CTNNA1: variants seen among roughly 807,000 people sequenced by gnomAD.
CTNNA1 encodes the protein catenin alpha-1.
A neutral mutation model predicts 98.4 loss-of-function variants in CTNNA1; 37 were observed. That is an observed-to-expected ratio of 0.38 (90% CI 0.29 to 0.49). The LOEUF is 0.49. Ranked by LOEUF, CTNNA1 falls within the 20% of genes least tolerant of loss-of-function variation. CTNNA1 has a pLI of 0.95. For missense variants in CTNNA1, 761 were observed against 1,147.2 expected (o/e 0.66, Z 4.86); for synonymous variants, 404 against 413.2 (o/e 0.98, Z 0.27).
chr5:138,874,383 C>G lies in CTNNA1; in HGVS notation c.1063-11829C>G. On this transcript the variant is annotated intron_variant, in intron 7 of 17. Transcript: ENST00000302763. The surrounding 1 kb of genome is among the most constrained non-coding windows in gnomAD (Gnocchi z 4.1). ...AGGGACAGGCCCAGAGAGCCCTTGT[C>G]TGTGGCGTTTGGCACTGAGTGGAAG... 1 of 1,614,002 alleles carries G rather than the reference C, an allele frequency of 6.2e-7. No homozygotes were observed. Among genetic ancestry groups the G allele is most frequent in the South Asian group, 1.1e-5 (1 of 91,076 alleles).
At chr5:138,773,009 G>T (rs1324773467) in intron 1 of CTNNA1, among the ~76,000 whole-genome samples, 2 of 152,254 alleles carry the variant, frequency 1.3e-5, no homozygotes, top group African/African-American at 4.8e-5. Context: ...GAAAGGTGAA[G>T]TGACTTAATC....
intron 9 of CTNNA1, among the ~76,000 whole-genome samples, chr5:138,902,305 G>T (rs188800857): frequency 1.1e-4 from 16 of 152,308 alleles, no homozygotes; most frequent in African/African-American, 3.4e-4. Context: ...ATAAGATTGA[G>T]AATATAGATT....
chr5:138,892,815 G>A (rs896868776), intron 9 of CTNNA1, among the ~76,000 whole-genome samples: 46 of 151,782 alleles, frequency 3.0e-4, no homozygotes, highest in African/African-American at 1.0e-3. Context: ...TCAGGAGTTC[G>A]AGACCAGCCT....
chr5:138,904,732 G>T, intron 10 of CTNNA1: 1 of 277,364 alleles, frequency 3.6e-6, no homozygotes, highest in African/African-American at 2.2e-5. Flanking sequence ...CAAAGTGGAT[G>T]GGTCAGTTGA....
rs184044757 is a variant in CTNNA1, at chr5:138,845,046, C to T, written c.1062+17328C>T. 2.0e-5 allele frequency among the ~76,000 whole-genome samples: 3 copies of T among 152,280 alleles called. No homozygotes were observed. The East Asian group carries it at 5.8e-4, about 29-fold the overall frequency. On this transcript the variant is annotated intron_variant, in intron 7 of 17. Coordinates refer to ENST00000302763, the MANE Select transcript of CTNNA1 (RefSeq NM_001903.5). ...TAATTTGCTCCTGTGTATAAAGTTACTGCCGAAGGAGCCAGGACTGAATCA... is the reference window on the plus strand; with the variant it reads ...TAATTTGCTCCTGTGTATAAAGTTATTGCCGAAGGAGCCAGGACTGAATCA...
Position 138,781,519 on chromosome 5 carries a change from C to A in CTNNA1, c.-2-404C>A, listed in dbSNP as rs559216462. Among the ~76,000 whole-genome samples, 3 of 150,824 alleles carry A rather than the reference C, an allele frequency of 2.0e-5. No individual in the cohort carries two copies. The South Asian group carries it at 6.3e-4, about 32-fold the overall frequency. The stretch of plus-strand genomic sequence containing the variant: ...TGCAGTGAGCTGAGATCCACCACTG[C>A]CCTCCAGCCTGGGCGAAAGAGCAAG... On this transcript the variant is annotated intron_variant, in intron 1 of 17. Transcript: ENST00000302763.
At chr5:138,854,422 A>C (rs115752329) in intron 7 of CTNNA1, among the ~76,000 whole-genome samples, 1 of 152,278 alleles carries the variant, frequency 6.6e-6, no homozygotes, top group African/African-American at 2.4e-5. Context: ...ATTTGCCTCC[A>C]TTTCCCCCCA....
At chr5:138,933,562 C>T (rs2150356429) in intron 17 of CTNNA1, among the ~76,000 whole-genome samples, 1 of 152,294 alleles carries the variant, frequency 6.6e-6, no homozygotes, top group East Asian at 1.9e-4. Flanking sequence ...TGGGGGTGAG[C>T]AAGGCGAGGT....
At chr5:138,807,135 C>T (rs562589218) in intron 3 of CTNNA1, among the ~76,000 whole-genome samples, 4 of 151,678 alleles carry the variant, frequency 2.6e-5, no homozygotes, top group Non-Finnish European at 2.9e-5. Context: ...CTCAGCCTCC[C>T]GAGTAACTGG....
chr5:138,845,329 T>C (rs945927175), intron 7 of CTNNA1, among the ~76,000 whole-genome samples: 1 of 152,190 alleles, frequency 6.6e-6, no homozygotes, highest in African/African-American at 2.4e-5. Context: ...CTTTGGCAGC[T>C]GAGAATCCGG....
chr5:138,805,860 G>A (rs1421124047), intron 3 of CTNNA1, among the ~76,000 whole-genome samples: 2 of 146,576 alleles, frequency 1.4e-5, no homozygotes, highest in African/African-American at 5.1e-5. Flanking sequence ...TACTTTCTTG[G>A]TAGTGTTCTT....
At position 138,810,212 on chromosome 5, in the gene CTNNA1, T is replaced by G; in HGVS notation, c.468+8T>G. 6.2e-7 allele frequency: 1 copy of G among 1,612,562 alleles called. No homozygotes were observed. The highest frequency in any genetic ancestry group is 8.5e-7 in the Non-Finnish European group (1 of 1,178,626). ...CTTGTTCAGCTGAAAGTTGTAAGTATACAGGCCTATGTCTGTAATTTGTTC... is the reference window on the plus strand; with the variant it reads ...CTTGTTCAGCTGAAAGTTGTAAGTAGACAGGCCTATGTCTGTAATTTGTTC... On this transcript the variant is annotated splice_region_variant and intron_variant, in intron 4 of 17. Transcript: ENST00000302763.
intron 6 of CTNNA1, among the ~76,000 whole-genome samples, chr5:138,825,861 G>A (rs1344885403): frequency 6.6e-6 from 1 of 152,098 alleles, no homozygotes; most frequent in African/African-American, 2.4e-5. Flanking sequence ...TATGGTGCAT[G>A]TTAAAATTTA....
At chr5:138,825,394 A>C (rs28363408) in intron 6 of CTNNA1, among the ~76,000 whole-genome samples, 2 of 150,266 alleles carry the variant, frequency 1.3e-5, no homozygotes, top group South Asian at 4.2e-4. Context: ...TGTGTACACA[A>C]CTCTTAAGGT....
intron 6 of CTNNA1, among the ~76,000 whole-genome samples, chr5:138,825,482 G>GTTTTGTTTTTTTTTTTTTTTT (rs1760581190): frequency 2.7e-5 from 2 of 74,114 alleles, no homozygotes; most frequent in African/African-American, 1.2e-4. Context: ...AGCAGTATAA[G>GTTTTGTTTTTTTTTTTTTTTT]TTTTTTTTTT....
intron 7 of CTNNA1, among the ~76,000 whole-genome samples, chr5:138,831,164 C>T (rs541694977): frequency 1.3e-5 from 2 of 152,164 alleles, no homozygotes; most frequent in African/African-American, 4.8e-5. Context: ...TATGGACACA[C>T]ATTCGTAAAG....
At chr5:138,817,560 A>T (rs1346587067) in intron 5 of CTNNA1, among the ~76,000 whole-genome samples, 1 of 152,104 alleles carries the variant, frequency 6.6e-6, no homozygotes, top group Non-Finnish European at 1.5e-5. Context: ...ATATTGGTTG[A>T]TTTAATGCTA....
At chr5:138,893,159 G>A (rs151285181) in intron 9 of CTNNA1, among the ~76,000 whole-genome samples, 1,695 of 152,286 alleles carry the variant, frequency 0.011, 27 homozygotes, top group African/African-American at 0.039. Context: ...CTCAAGGCCA[G>A]CCCTCACGGA....
chr5:138,853,514 G>T, intron 7 of CTNNA1, among the ~76,000 whole-genome samples: 2 of 150,894 alleles, frequency 1.3e-5, no homozygotes, highest in East Asian at 1.9e-4. Flanking sequence ...AAAAAGTATT[G>T]AAGTTTTGTT....
Sources: gnomAD v4.1 joint callset for allele counts (sites outside exome capture counted in the v4.1 genomes callset) on GRCh38, gnomAD v4.1.1 for gene constraint, Gnocchi (gnomAD v3.1) non-coding constraint, MANE v1.5 for transcripts, NCBI Gene and HGNC (gene_info 2026-07-23, HGNC 2026-07-21) for gene names.